ANKRD36C: variants seen among roughly 807,000 people sequenced by gnomAD.
The protein encoded by ANKRD36C is ankyrin repeat domain 36C, also known as ankyrin repeat domain-containing protein 36C.
ANKRD36C carries 61 observed loss-of-function variants against 276.4 expected under a neutral mutation model. The observed-to-expected ratio is 0.22, with a 90% CI of 0.18 to 0.27. ANKRD36C has a LOEUF of 0.27. Ranked by LOEUF, ANKRD36C falls within the 10% of genes least tolerant of loss-of-function variation. The pLI is 1.00. For missense variants in ANKRD36C, 1,447 were observed against 2,032.3 expected, an observed-to-expected ratio of 0.71 and a Z score of 5.54; for synonymous variants, 483 against 680.1, an observed-to-expected ratio of 0.71 and a Z score of 4.51.
intron 45 of ANKRD36C, 29 bp downstream of exon 65, chr2:95,891,803 G>C: frequency 6.4e-7 from 1 of 1,559,170 alleles, no homozygotes. Context: ...ACATTTACTA[G>C]TTCACAATAT....
At chr2:95,851,777 C>G in exon 66 of ANKRD36C, 1 of 1,532,594 alleles carries the variant, frequency 6.5e-7, no homozygotes, top group South Asian at 1.2e-5. Context: ...ATGACATTTT[C>G]TACTTCAAGC....
chr2:95,879,616 A>ACACACACACACACAG (rs1676031351), intron 58 of ANKRD36C, among the ~76,000 whole-genome samples: 1 of 151,960 alleles, frequency 6.6e-6, no homozygotes, highest in Non-Finnish European at 1.5e-5. Flanking sequence ...AAAATAAAGA[A>ACACACACACACACAG]ACACACACAG....
At chr2:95,927,244 C>T in exon 28 of ANKRD36C, 1 of 1,610,264 alleles carries the variant, frequency 6.2e-7, no homozygotes, top group Non-Finnish European at 8.5e-7. Flanking sequence ...TCCTTTATTT[C>T]TGTGGCTATA....
intron 40 of ANKRD36C, 135 bp from the exon 43 acceptor site, chr2:95,912,570 C>G: frequency 2.0e-6 from 3 of 1,523,864 alleles, no homozygotes; most frequent in Non-Finnish European, 2.7e-6. Flanking sequence ...TATTTTGTGT[C>G]TGGGGACCAG....
chr2:95,946,906 T>G (rs1463873215), intron 17 of ANKRD36C, among the ~76,000 whole-genome samples: 9 of 144,068 alleles, frequency 6.2e-5, no homozygotes, highest in Admixed American at 4.9e-4. Flanking sequence ...TGGGGACTGT[T>G]GTGGGGTGGG....
chr2:95,948,965 C>T (rs1678127472), intron 16 of ANKRD36C, among the ~76,000 whole-genome samples: 1 of 152,100 alleles, frequency 6.6e-6, no homozygotes, highest in Admixed American at 6.6e-5. Flanking sequence ...TCTGTCACAA[C>T]TTTTGTTACT....
intron 26 of ANKRD36C, among the ~76,000 whole-genome samples, chr2:95,928,176 A>G (rs373579543): frequency 6.6e-6 from 1 of 151,640 alleles, no homozygotes; most frequent in Admixed American, 6.6e-5. Context: ...AATCACTCCA[A>G]TATTCATTGA....
At chr2:95,857,079 A>G (rs1279243266) in intron 62 of ANKRD36C, among the ~76,000 whole-genome samples, 5 of 152,288 alleles carry the variant, frequency 3.3e-5, no homozygotes, top group African/African-American at 1.2e-4. Context: ...TAACAATATC[A>G]TTAAGTATAT....
chr2:95,975,770 G>A (rs1316893039), intron 6 of ANKRD36C, among the ~76,000 whole-genome samples: 1 of 152,194 alleles, frequency 6.6e-6, no homozygotes, highest in Non-Finnish European at 1.5e-5. Context: ...AGCCAAATAT[G>A]ACACATGGGA....
At position 95,921,510 on chromosome 2, in the gene ANKRD36C, C is replaced by T. The variant is rs1215317527; in HGVS notation, c.2245+97G>A. The T allele has an allele frequency of 2.0e-5, 29 of 1,484,016 alleles. No homozygotes were observed. In the Middle Eastern group the frequency reaches 7.1e-4, roughly 36 times the overall value. 91.9% of individuals were successfully genotyped at this position (1,484,016 alleles called of 1,614,324 possible). Reference sequence around the variant, plus strand: ...ACTGAATCAGAATGTGCAGCTTCGGCGAGCCCCCCCACCTGCCCTCCACTG... The same window carrying T: ...ACTGAATCAGAATGTGCAGCTTCGGTGAGCCCCCCCACCTGCCCTCCACTG... On this transcript the variant is annotated intron_variant, in intron 34 of 66. Transcript: ENST00000456556.
chr2:95,918,413 T>C (rs1452464150), intron 34 of ANKRD36C, among the ~76,000 whole-genome samples: 4 of 151,680 alleles, frequency 2.6e-5, no homozygotes, highest in African/African-American at 4.8e-5. Flanking sequence ...CCCACATGTC[T>C]TTCATGCAGG....
chr2:95,968,573 G>T (rs1395862175), intron 6 of ANKRD36C, among the ~76,000 whole-genome samples: 1 of 152,088 alleles, frequency 6.6e-6, no homozygotes, highest in Admixed American at 6.6e-5. Flanking sequence ...CTCTCACACC[G>T]CAACAACAAT....
rs561285149 is a variant in ANKRD36C at position 95,916,035 on chromosome 2, T to C, written c.2394A>G (p.Lys798=). 20 of 1,576,018 alleles carry C rather than the reference T, an allele frequency of 1.3e-5. No individual in the cohort carries two copies. In the South Asian group the frequency reaches 2.3e-4, roughly 18 times the overall value. ...CTCTGGTTATATTCGAAAAAGAATC[T>C]TTCTCATCACTTGTAGCCTGAATGG... The change falls in exon 38 of 67, where the codon AAA becomes AAG. Residue 798 remains lysine, a synonymous_variant. Transcript: ENST00000456556.
intron 60 of ANKRD36C, among the ~76,000 whole-genome samples, chr2:95,866,899 G>A: frequency 6.6e-6 from 1 of 152,152 alleles, no homozygotes; most frequent in African/African-American, 2.4e-5. Context: ...TAAAGCTACT[G>A]ATTGTAGGAG....
At chr2:95,933,744 C>G (rs537015552) in intron 24 of ANKRD36C, among the ~76,000 whole-genome samples, 632 of 152,342 alleles carry the variant, frequency 4.1e-3, no homozygotes, top group Non-Finnish European at 7.2e-3. Context: ...TCCTTTCTTC[C>G]TATTTGAATA....
chr2:95,873,454 A>G (rs1324823259), intron 59 of ANKRD36C, among the ~76,000 whole-genome samples: 1 of 152,236 alleles, frequency 6.6e-6, no homozygotes, highest in Non-Finnish European at 1.5e-5. Context: ...AAGGCCTTTG[A>G]CAAAATTCAA....
Position 95,903,014 on chromosome 2 carries a change from A to T in ANKRD36C, c.2654-3678T>A. ...TAATAAAGTATGCTTCATAGACTATACATTTACTAGTTCACAATATAAATG... is the reference window on the plus strand; with the variant it reads ...TAATAAAGTATGCTTCATAGACTATTCATTTACTAGTTCACAATATAAATG... On this transcript the variant is annotated intron_variant, in intron 42 of 66. Coordinates refer to ENST00000456556, the Ensembl canonical transcript of ANKRD36C. 12 of 1,571,160 alleles carry T rather than the reference A, an allele frequency of 7.6e-6. 1 individual carries two copies. Among genetic ancestry groups the T allele is most frequent in the Non-Finnish European group, 1.7e-6 (2 of 1,156,678 alleles).
In ANKRD36C at chr2:95,916,125, A is replaced by T; in HGVS notation, c.2376+18T>A. 1 of 1,604,034 alleles carries T rather than the reference A, an allele frequency of 6.2e-7. No individual in the cohort carries two copies. Among genetic ancestry groups the T allele is most frequent in the Non-Finnish European group, 8.5e-7 (1 of 1,177,160 alleles). ...CTATACGTTTACTAGCTCACAATAT[A>T]AATGAGAGTTTCATTACCTTCAAGG... On this transcript the variant is annotated intron_variant, in intron 37 of 66. Coordinates refer to ENST00000456556, the Ensembl canonical transcript of ANKRD36C.
At chr2:95,889,551 T>C (rs1278663145) in intron 48 of ANKRD36C, among the ~76,000 whole-genome samples, 1 of 151,564 alleles carries the variant, frequency 6.6e-6, no homozygotes, top group African/African-American at 2.4e-5. Flanking sequence ...GAGCCTGTTA[T>C]GTGTTGAATT....
Sources: gnomAD v4.1 joint callset for allele counts (sites outside exome capture counted in the v4.1 genomes callset) on GRCh38, gnomAD v4.1.1 for gene constraint, MANE v1.5 for transcripts, NCBI Gene and HGNC (gene_info 2026-07-23, HGNC 2026-07-21) for gene names.